Variants in SUGCT observed in about 807,000 individuals in gnomAD.
SUGCT encodes the protein succinyl-CoA:glutarate CoA-transferase.
SUGCT carries 41 observed loss-of-function variants against 55.0 expected under a neutral mutation model. That is an observed-to-expected ratio of 0.74 (90% confidence interval 0.58 to 0.97). The LOEUF (loss-of-function observed/expected upper bound fraction) is 0.97. Among genes scored for constraint, SUGCT ranks in the 50% least tolerant of loss-of-function variants. SUGCT has a pLI of 0.00. For missense variants in SUGCT, 568 were observed against 547.8 expected, an observed-to-expected ratio of 1.04 and a Z score of -0.37; for synonymous variants, 187 against 200.4, an observed-to-expected ratio of 0.93 and a Z score of 0.56.
chr7:40,767,076 A>G (rs1237222176), intron 13 of SUGCT, among the ~76,000 whole-genome samples: 2 of 152,190 alleles, frequency 1.3e-5, no homozygotes, highest in African/African-American at 2.4e-5. Flanking sequence ...TACTTATTAC[A>G]TGCTTTTGAA....
chr7:40,792,710 A>G (rs2128745759), intron 13 of SUGCT, among the ~76,000 whole-genome samples: 1 of 152,248 alleles, frequency 6.6e-6, no homozygotes, highest in Non-Finnish European at 1.5e-5. Flanking sequence ...AGCAGTATAC[A>G]TTAAGGAGTG....
chr7:40,852,522 AC>A (rs1000429807), intron 13 of SUGCT, among the ~76,000 whole-genome samples: 6 of 150,778 alleles, frequency 4.0e-5, no homozygotes. Flanking sequence ...TATAGTCTAT[AC>A]CCTGTGCATA....
chr7:40,815,318 G>A (rs1277379560), intron 13 of SUGCT, among the ~76,000 whole-genome samples: 1 of 152,220 alleles, frequency 6.6e-6, no homozygotes, highest in African/African-American at 2.4e-5. Flanking sequence ...GCATGGTGCT[G>A]GGAAACCTCC....
intron 9 of SUGCT, among the ~76,000 whole-genome samples, chr7:40,333,908 G>A (rs988430523): frequency 6.6e-5 from 10 of 150,970 alleles, no homozygotes; most frequent in East Asian, 2.0e-4. Context: ...CCCACTCCCC[G>A]CACCCCACGA....
intron 9 of SUGCT, among the ~76,000 whole-genome samples, chr7:40,361,857 C>T (rs954630396): frequency 3.3e-5 from 5 of 151,790 alleles, no homozygotes; most frequent in African/African-American, 4.8e-5. Context: ...ACATTGGAAT[C>T]ACATGGGGAT....
chr7:40,415,732 T>C (rs1786965044), intron 9 of SUGCT, among the ~76,000 whole-genome samples: 1 of 152,114 alleles, frequency 6.6e-6, no homozygotes, highest in South Asian at 2.1e-4. Flanking sequence ...GTTTTGACAG[T>C]GTTTTGAATA....
At position 40,238,572 on chromosome 7, in the gene SUGCT, A is replaced by AT. The variant is rs372233926; in HGVS notation, c.576+848dup. On this transcript the variant is annotated intron_variant, in intron 7 of 13. Coordinates refer to ENST00000335693, the MANE Select transcript of SUGCT (RefSeq NM_001193313.2). ...TCTTCTAGTTAATTCTTCAGGAAAT[A>AT]TTGCTTGCTGTAGTGTTGGAATAAA... Among the ~76,000 whole-genome samples the AT allele has an allele frequency of 6.9e-3, 1,044 of 152,264 alleles. 11 individuals carry two copies. The highest frequency in any genetic ancestry group is 0.022 in the African/African-American group (911 of 41,548).
chr7:40,231,014 T>A (rs1006632113), intron 6 of SUGCT, among the ~76,000 whole-genome samples: 13 of 152,192 alleles, frequency 8.5e-5, no homozygotes, highest in Admixed American at 8.5e-4. Flanking sequence ...ATGTTGTCAT[T>A]GTTATTCTAG....
chr7:40,289,742 A>T (rs1247147707), intron 8 of SUGCT, among the ~76,000 whole-genome samples: 2 of 152,160 alleles, frequency 1.3e-5, no homozygotes, highest in African/African-American at 4.8e-5. Context: ...ACATGATTGT[A>T]TATCTAGAAA....
At chr7:40,435,158 A>T (rs115399002) in intron 9 of SUGCT, among the ~76,000 whole-genome samples, 391 of 152,294 alleles carry the variant, frequency 2.6e-3, no homozygotes, top group Middle Eastern at 0.017. Flanking sequence ...ACAAAGGCTG[A>T]CCCTCTATGC....
chr7:40,135,132 G>C lies in SUGCT; in HGVS notation c.100+12G>C, dbSNP rs769764657. The stretch of plus-strand genomic sequence containing the variant: ...CCGCCCGCAGTCAGGTACCCTCCGA[G>C]ATTCGGTCTGGGTGGCTAAAGGGAT... On this transcript the variant is annotated intron_variant, in intron 1 of 13. Coordinates refer to ENST00000335693, the MANE Select transcript of SUGCT (RefSeq NM_001193313.2). The C allele has an allele frequency of 3.9e-6, 6 of 1,545,370 alleles. No individual in the cohort carries two copies. In the African/African-American group the frequency reaches 7.0e-5, roughly 18 times the overall value.
chr7:40,779,658 A>C (rs1335599082), intron 13 of SUGCT, among the ~76,000 whole-genome samples: 1 of 152,184 alleles, frequency 6.6e-6, no homozygotes, highest in African/African-American at 2.4e-5. Context: ...TTATTTGACC[A>C]TTAACTTTTG....
intron 12 of SUGCT, among the ~76,000 whole-genome samples, chr7:40,709,575 G>A (rs1054844696): frequency 5.3e-5 from 8 of 152,176 alleles, no homozygotes; most frequent in Non-Finnish European, 1.0e-4. Flanking sequence ...GGCTTCCCAG[G>A]CATCTCTCCT....
chr7:40,823,679 T>C, intron 13 of SUGCT, among the ~76,000 whole-genome samples: 1 of 152,186 alleles, frequency 6.6e-6, no homozygotes, highest in East Asian at 1.9e-4. Flanking sequence ...TTACTTTTCT[T>C]TCCTTTCCTC....
chr7:41,007,737 G>T, the SUGCT span, among the ~76,000 whole-genome samples: 82 of 146,928 alleles, frequency 5.6e-4, no homozygotes, highest in Non-Finnish European at 1.0e-3. Flanking sequence ...TAACATTCTT[G>T]GATTATTTGA....
the SUGCT span, among the ~76,000 whole-genome samples, chr7:40,992,537 G>T: frequency 6.6e-6 from 1 of 152,004 alleles, no homozygotes; most frequent in South Asian, 2.1e-4. Flanking sequence ...ATTCAAGATG[G>T]AGTTGCTCTG....
chr7:40,497,859 A>G (rs1792070150), intron 12 of SUGCT, among the ~76,000 whole-genome samples: 1 of 151,750 alleles, frequency 6.6e-6, no homozygotes, highest in South Asian at 2.1e-4. Context: ...TTAAATAATT[A>G]TATTATTTAA....
At chr7:40,794,888 C>A (rs1022349621) in intron 13 of SUGCT, among the ~76,000 whole-genome samples, 7 of 151,946 alleles carry the variant, frequency 4.6e-5, no homozygotes, top group Admixed American at 2.0e-4. Flanking sequence ...CTTCATTCTT[C>A]AATTTTTATT....
the SUGCT span, among the ~76,000 whole-genome samples, chr7:40,949,531 A>G: frequency 6.6e-6 from 1 of 152,162 alleles, no homozygotes; most frequent in South Asian, 2.1e-4. Flanking sequence ...GTCTTTGCCC[A>G]TGCTTATGTC....
Sources: allele counts gnomAD v4.1 joint callset (sites outside exome capture counted in the v4.1 genomes callset), GRCh38; gene constraint gnomAD v4.1.1; transcripts MANE v1.5; gene names NCBI Gene and HGNC (gene_info 2026-07-23, HGNC 2026-07-21).